Variants in SLC38A3 observed in about 807,000 individuals in gnomAD.
SLC38A3 encodes sodium-coupled neutral amino acid transporter 3.
Under a neutral mutation model 59.5 loss-of-function variants are expected in SLC38A3, and 17 were observed. The ratio of observed to expected loss-of-function variants is 0.29; its 90% CI spans 0.20 to 0.43. SLC38A3 has a LOEUF of 0.43. Among genes scored for constraint, SLC38A3 ranks in the 20% least tolerant of loss-of-function variants. The probability of loss-of-function intolerance (pLI) is 1.00; values close to 1 mark genes in which losing one functional copy is unlikely to be tolerated. For missense variants in SLC38A3, 454 were observed against 653.9 expected (o/e 0.69, Z 3.33); for synonymous variants, 238 against 260.3 (o/e 0.91, Z 0.82).
chr3:50,208,957 G>A (rs1019467936), intron 1 of SLC38A3, among the ~76,000 whole-genome samples: 2 of 152,212 alleles, frequency 1.3e-5, no homozygotes, highest in Admixed American at 6.5e-5. Context: ...GCCCCCCATC[G>A]GACTCTCTGA....
At position 50,218,055 on chromosome 3, in the gene SLC38A3, G is replaced by A. The variant is rs1373956958; in HGVS notation, c.935+59G>A. 2 of 1,528,124 alleles carry A rather than the reference G, an allele frequency of 1.3e-6. No homozygotes were observed. The highest frequency in any genetic ancestry group is 1.8e-6 in the Non-Finnish European group (2 of 1,106,356). 94.7% of individuals were successfully genotyped at this position (1,528,124 alleles called of 1,614,324 possible). On this transcript the variant is annotated intron_variant, in intron 11 of 15. Coordinates refer to ENST00000614032, the MANE Select transcript of SLC38A3 (RefSeq NM_006841.6). The surrounding 1 kb of genome is among the most constrained non-coding windows in gnomAD (Gnocchi z 5.8). ...TGCCCTGAGCTGGTTTGGGGAGAAT[G>A]GATGTGGTCCTGAATGTGGAGAGGG...
chr3:50,216,166 C>T (rs925790945), intron 7 of SLC38A3, among the ~76,000 whole-genome samples: 5 of 151,758 alleles, frequency 3.3e-5, no homozygotes, highest in Admixed American at 6.6e-5. Flanking sequence ...CATGGGGTTG[C>T]CCCCCCCAAC....
rs971223942 is a variant in SLC38A3 at position 50,217,016 on chromosome 3, A to G, written c.549-222A>G. Among the ~76,000 whole-genome samples the G allele has an allele frequency of 6.6e-6, 1 of 151,966 alleles. No individual in the cohort carries two copies. The highest frequency in any genetic ancestry group is 6.6e-5 in the Admixed American group (1 of 15,252). ...TCTCGAACTCCTGACCTGATGATCC[A>G]CCCACCTCAGCCTCCCAAAGTGCTG... is the stretch of plus-strand genomic sequence containing the variant. On this transcript the variant is annotated intron_variant, in intron 7 of 15. Transcript: ENST00000614032. The surrounding 1 kb of genome is among the most constrained non-coding windows in gnomAD (Gnocchi z 4.9).
chr3:50,215,768 G>T lies in SLC38A3; in HGVS notation c.495G>T (p.Lys165Asn). 1 of 1,600,416 alleles carries T rather than the reference G, an allele frequency of 6.2e-7. No individual in the cohort carries two copies. Among genetic ancestry groups the T allele is most frequent in the Non-Finnish European group, 8.5e-7 (1 of 1,173,802 alleles). ...GAMSSYLYIIKSELPLVIQTF... is the reference protein window; with the variant it reads ...GAMSSYLYIINSELPLVIQTF... ...TGTCCAGCTACCTGTACATCATCAAGTCTGAGCTGCCACTTGTCATACAGA... is the reference window on the plus strand; with the variant it reads ...TGTCCAGCTACCTGTACATCATCAATTCTGAGCTGCCACTTGTCATACAGA... Residue 165 changes from lysine to asparagine, a missense_variant, in exon 7 of 16, where the codon AAG becomes AAT. Transcript: ENST00000614032. This position sits in a 1 kb window ranked among gnomAD's most constrained non-coding sequence, Gnocchi z 7.1.
rs766447642 is a variant in SLC38A3, at chr3:50,218,918, C to T, written c.1276C>T (p.Pro426Ser). Residue 426 changes from proline (P) to serine (S), a missense_variant, in exon 14 of 16, where the codon CCC becomes TCC. Pro to Ser is a moderately conservative substitution (Grantham distance 74, BLOSUM62 -1). Around this residue, in one of 3 missense-constraint regions of SLC38A3, gnomAD observed 390 missense variants for 557.9 expected, o/e 0.70. Coordinates refer to ENST00000614032, the MANE Select transcript of SLC38A3 (RefSeq NM_006841.6). This position sits in a 1 kb window ranked among gnomAD's most constrained non-coding sequence, Gnocchi z 5.8. The part of the protein sequence containing the change: ...TCINLLVIFA[P>S]NILGIFGVIG... Reference sequence around the variant, plus strand: ...TATCAACCTGCTGGTCATCTTTGCCCCCAACATCCTGGGCATCTTTGGGGT... The same window carrying T: ...TATCAACCTGCTGGTCATCTTTGCCTCCAACATCCTGGGCATCTTTGGGGT... The T allele has an allele frequency of 8.1e-6, 13 of 1,612,554 alleles. No individual in the cohort carries two copies. The highest frequency in any genetic ancestry group is 1.0e-5 in the Non-Finnish European group (12 of 1,178,802).
chr3:50,219,705 C>T (rs1699869587), intron 14 of SLC38A3, among the ~76,000 whole-genome samples, 176 bp from the exon 15 acceptor site: 1 of 152,202 alleles, frequency 6.6e-6, no homozygotes, highest in Non-Finnish European at 1.5e-5. Flanking sequence ...CTTCTATCCT[C>T]ATGGATGGAG....
At chr3:50,206,051 T>G (rs915415733) in intron 1 of SLC38A3, among the ~76,000 whole-genome samples, 1 of 152,196 alleles carries the variant, frequency 6.6e-6, no homozygotes, top group Non-Finnish European at 1.5e-5. Context: ...AGGGTGTAAG[T>G]TAGAGCCCGC....
chr3:50,210,226 G>A lies in SLC38A3; in HGVS notation c.-51-3923G>A, dbSNP rs114161271. Among the ~76,000 whole-genome samples the A allele has an allele frequency of 3.7e-3, 570 of 152,270 alleles. 5 individuals are homozygous for A. The highest frequency in any genetic ancestry group is 0.013 in the African/African-American group (540 of 41,562). Reference sequence around the variant, plus strand: ...TCCAGATGGGTACCAGACTTAGGAGGGGGGCACCCTGTCTCAGCCAAGGAG... The same window carrying A: ...TCCAGATGGGTACCAGACTTAGGAGAGGGGCACCCTGTCTCAGCCAAGGAG... On this transcript the variant is annotated intron_variant, in intron 1 of 15. Coordinates refer to ENST00000614032, the MANE Select transcript of SLC38A3 (RefSeq NM_006841.6).
Position 50,205,716 on chromosome 3 carries a change from C to T in SLC38A3, c.-52+368C>T, listed in dbSNP as rs548083510. 9.8e-5 allele frequency among the ~76,000 whole-genome samples: 15 copies of T among 152,318 alleles called. 1 individual carries two copies. In the South Asian group the frequency reaches 2.9e-3, roughly 29 times the overall value. ...ACACCACAGGCTTCCTGAGGCAGGG[C>T]CCATGGGGCAGGCTGGAGAGGGCCC... On this transcript the variant is annotated intron_variant, in intron 1 of 15. Transcript: ENST00000614032.
Position 50,220,302 on chromosome 3 carries a change from A to C in SLC38A3, c.*125A>C. On this transcript the variant is annotated 3_prime_UTR_variant, in exon 16 of 16. Transcript: ENST00000614032. The stretch of plus-strand genomic sequence containing the variant: ...GCGATTAACACTGTGGCATTCAGCC[A>C]GGCCCCATGTCCTCTCTGTGGAAGG... 1 of 741,588 alleles carries C rather than the reference A, an allele frequency of 1.3e-6. No homozygotes were observed. Among genetic ancestry groups the C allele is most frequent in the Non-Finnish European group, 2.3e-6 (1 of 440,598 alleles). 45.9% of individuals were successfully genotyped at this position (741,588 alleles called of 1,614,324 possible). A position where few individuals can be genotyped will look rare whatever the true frequency, so the allele number is the denominator to read the frequency against.
rs758573773 is a variant in SLC38A3 at position 50,217,310 on chromosome 3, G to A, written c.621G>A (p.Met207Ile). The A allele has an allele frequency of 6.2e-7, 1 of 1,613,580 alleles. No homozygotes were observed. The highest frequency in any genetic ancestry group is 1.1e-5 in the South Asian group (1 of 90,942). ...SVTIILPLAL[M>I]RQLGYLGYSS... ...CCATCATTCTGCCCCTGGCACTGATGCGGCAGCTTGGTGAGTGTGGAAGGG... is the reference window on the plus strand; with the variant it reads ...CCATCATTCTGCCCCTGGCACTGATACGGCAGCTTGGTGAGTGTGGAAGGG... The change falls in exon 8 of 16, where the codon ATG becomes ATA. Residue 207 changes from methionine (M) to isoleucine (I), a missense_variant. Physicochemically the swap from Met to Ile is conservative, Grantham distance 10. Around this residue, in one of 3 missense-constraint regions of SLC38A3, gnomAD observed 390 missense variants for 557.9 expected, o/e 0.70. Coordinates refer to ENST00000614032, the MANE Select transcript of SLC38A3 (RefSeq NM_006841.6). The surrounding 1 kb of genome is among the most constrained non-coding windows in gnomAD (Gnocchi z 4.9).
Position 50,220,254 on chromosome 3 carries a change from G to T in SLC38A3, c.*77G>T. On this transcript the variant is annotated 3_prime_UTR_variant, in exon 16 of 16. Transcript: ENST00000614032. ...CTTCAGCCCCTGCTCCCATCCAGTG[G>T]CCAGTCGGGGGAGGAGAAAGACGCG... is the stretch of plus-strand genomic sequence containing the variant. The T allele has an allele frequency of 9.1e-7, 1 of 1,104,468 alleles. No homozygotes were observed. The highest frequency in any genetic ancestry group is 1.3e-5 in the South Asian group (1 of 74,762). The allele number at this position is 1,104,468 out of a possible 1,614,324, so 68.4% of individuals were successfully genotyped here.
chr3:50,214,402 G>C lies in SLC38A3; in HGVS notation c.102G>C (p.Arg34Ser). The change falls in exon 3 of 16, where the codon AGG becomes AGC. Residue 34 changes from arginine to serine, a missense_variant and splice_region_variant. Arg to Ser is a moderately radical substitution (Grantham distance 110). Transcript: ENST00000614032. This position sits in a 1 kb window ranked among gnomAD's most constrained non-coding sequence, Gnocchi z 6.0. ...CACCCACCCTGACCTGTGCCTACAG[G>C]GTCGAGGACCCTGCACGGAGCTGTA... ...PVITPMAGNQ[R>S]VEDPARSCME... 6.3e-7 allele frequency: 1 copy of C among 1,591,982 alleles called. No homozygotes were observed.
In SLC38A3 at chr3:50,219,891, T is replaced by C. The variant is rs1699873042; in HGVS notation, c.1317T>C (p.Ser439=). ...TCTTGTTCTTTGCAGGTGCCACATC[T>C]GCCCCATTCCTCATCTTCATCTTCC... ...LGIFGVIGAT[S]APFLIFIFPA... Residue 439 remains serine, a synonymous_variant, in exon 15 of 16, where the codon TCT becomes TCC. Transcript: ENST00000614032. The C allele has an allele frequency of 2.5e-6, 4 of 1,612,508 alleles. No homozygotes were observed. Among genetic ancestry groups the C allele is most frequent in the Non-Finnish European group, 3.4e-6 (4 of 1,179,296 alleles).
In SLC38A3 at chr3:50,211,788, T is replaced by C. The variant is rs1319969354; in HGVS notation, c.-51-2361T>C. Among the ~76,000 whole-genome samples the C allele has an allele frequency of 2.0e-5, 3 of 151,972 alleles. No homozygotes were observed. The East Asian group carries it at 5.8e-4, about 29-fold the overall frequency. On this transcript the variant is annotated intron_variant, in intron 1 of 15. Transcript: ENST00000614032. ...TTTTAGTAGAGATGGGGTTTTTCCA[T>C]GTTGGTCAGGCTAGTCTCAAACTCC...
rs570772944 is a variant in SLC38A3, at chr3:50,214,206, G to A, written c.7G>A (p.Ala3Thr). 35 of 1,613,556 alleles carry A rather than the reference G, an allele frequency of 2.2e-5. No individual in the cohort carries two copies. In the African/African-American group the frequency reaches 4.5e-4, roughly 21 times the overall value. The change falls in exon 2 of 16, where the codon GCG becomes ACG. Residue 3 changes from alanine (A) to threonine (T), a missense_variant. Ala to Thr is a moderately conservative substitution (Grantham distance 58). This residue lies in a region of SLC38A3 where 390 missense variants were observed against 557.9 expected (regional missense o/e 0.70). Transcript: ENST00000614032. The surrounding 1 kb of genome is among the most constrained non-coding windows in gnomAD (Gnocchi z 6.0). ...TGGTGGTGTGCCCTGAGCCATGGAGGCGCCTTTGCAGACAGAGATGGTGGA... is the reference window on the plus strand; with the variant it reads ...TGGTGGTGTGCCCTGAGCCATGGAGACGCCTTTGCAGACAGAGATGGTGGA... ME[A>T]PLQTEMVELV... is the part of the protein sequence containing the mutation.
At chr3:50,219,450 C>G (rs1470477265) in intron 14 of SLC38A3, among the ~76,000 whole-genome samples, 1 of 152,350 alleles carries the variant, frequency 6.6e-6, no homozygotes, top group Admixed American at 6.5e-5. Flanking sequence ...GACTGACAAA[C>G]AGACCTGGGG....
intron 1 of SLC38A3, among the ~76,000 whole-genome samples, chr3:50,208,159 C>A (rs1324771801): frequency 1.3e-5 from 2 of 152,198 alleles, no homozygotes; most frequent in Non-Finnish European, 2.9e-5. Flanking sequence ...GCCTGGCCAT[C>A]TTGGCAGTGC....
chr3:50,210,747 C>T (rs1699714443), intron 1 of SLC38A3, among the ~76,000 whole-genome samples: 1 of 152,226 alleles, frequency 6.6e-6, no homozygotes, highest in African/African-American at 2.4e-5. Flanking sequence ...ATCCCTGTGG[C>T]TCCTGGCCCC....
Sources: allele counts gnomAD v4.1 joint callset (sites outside exome capture counted in the v4.1 genomes callset), GRCh38; gene constraint gnomAD v4.1.1; regional missense constraint gnomAD v4.1.1; non-coding constraint Gnocchi (gnomAD v3.1); transcripts MANE v1.5; gene names NCBI Gene and HGNC (gene_info 2026-07-23, HGNC 2026-07-21).